The following ZNF697 variants were observed in gnomAD, a reference collection of about 807,000 sequenced individuals.
ZNF697 encodes the protein zinc finger protein 697.
ZNF697 carries 23 observed loss-of-function variants against 32.4 expected under a neutral mutation model. That is an observed-to-expected ratio of 0.71 (90% CI 0.51 to 1.01). The LOEUF is 1.01. Ranked by LOEUF, ZNF697 falls within the 50% of genes least tolerant of loss-of-function variation. The probability of loss-of-function intolerance (pLI) is 0.00; values close to 1 mark genes in which losing one functional copy is unlikely to be tolerated. For synonymous variants in ZNF697, 418 were observed against 337.2 expected, an observed-to-expected ratio of 1.24 and a Z score of -2.62; for missense variants, 930 against 794.0, an observed-to-expected ratio of 1.17 and a Z score of -2.06.
intron 1 of ZNF697, among the ~76,000 whole-genome samples, chr1:119,637,661 T>A (rs1333408090): frequency 6.6e-6 from 1 of 152,206 alleles, no homozygotes; most frequent in Admixed American, 6.5e-5. Context: ...CCTGATAATT[T>A]TTTTCCTATT....
chr1:119,630,433 C>G (rs1287847110), intron 1 of ZNF697, among the ~76,000 whole-genome samples: 1 of 152,230 alleles, frequency 6.6e-6, no homozygotes, highest in Admixed American at 6.5e-5. Flanking sequence ...TGGGATTGGG[C>G]AACTTCAACA....
chr1:119,627,452 T>C (rs777781682), intron 1 of ZNF697, among the ~76,000 whole-genome samples: 1 of 152,218 alleles, frequency 6.6e-6, no homozygotes, highest in Non-Finnish European at 1.5e-5. Context: ...TTAACCTTTC[T>C]CACAGGGAGG....
In ZNF697 at chr1:119,622,514, C is replaced by G. The variant is rs1037865120; in HGVS notation, c.*191G>C. On this transcript the variant is annotated 3_prime_UTR_variant, in exon 3 of 3. Coordinates refer to ENST00000421812, the MANE Select transcript of ZNF697 (RefSeq NM_001080470.2). ...GAACAATTCTTCCGTGGAGAGGAGG[C>G]AAGTATAGCACCGGGAAAGACCAAC... 102 of 1,073,536 alleles carry G rather than the reference C, an allele frequency of 9.5e-5. 1 individual carries two copies. The highest frequency in any genetic ancestry group is 1.2e-4 in the Non-Finnish European group (94 of 787,252). The allele number at this position is 1,073,536 out of a possible 1,614,324, so 66.5% of individuals were successfully genotyped here. A position where few individuals can be genotyped will look rare whatever the true frequency, so the allele number is the denominator to read the frequency against.
At chr1:119,647,302 C>T (rs941652381) in intron 1 of ZNF697, among the ~76,000 whole-genome samples, 1 of 152,180 alleles carries the variant, frequency 6.6e-6, no homozygotes, top group Non-Finnish European at 1.5e-5. Flanking sequence ...GCCTCGGCAT[C>T]CCCGCGAGGT....
At chr1:119,627,028 A>G (rs1203745963) in intron 1 of ZNF697, among the ~76,000 whole-genome samples, 2 of 152,238 alleles carry the variant, frequency 1.3e-5, no homozygotes, top group East Asian at 1.9e-4. Context: ...AGACGTCAGG[A>G]TAACATTTCA....
In ZNF697 at chr1:119,623,384, G is replaced by A. The variant is rs1448615572; in HGVS notation, c.959C>T (p.Pro320Leu). 4.7e-6 allele frequency: 7 copies of A among 1,492,492 alleles called. No individual in the cohort carries two copies. The highest frequency in any genetic ancestry group is 6.2e-6 in the Non-Finnish European group (7 of 1,123,370). 92.5% of individuals were successfully genotyped at this position (1,492,492 alleles called of 1,614,324 possible). A position where few individuals can be genotyped will look rare whatever the true frequency, so the allele number is the denominator to read the frequency against. Residue 320 changes from proline to leucine, a missense_variant, in exon 3 of 3, where the codon CCC becomes CTC. Transcript: ENST00000421812. ...LHTGEKPYPC[P>L]ECGEAFSLSS... is the part of the protein sequence containing the mutation. The stretch of plus-strand genomic sequence containing the variant: ...GAGGCTGAAGGCCTCGCCGCACTCG[G>A]GGCACGGGTAGGGCTTCTCGCCCGT...
chr1:119,646,322 A>AACACACACACACACACACAC (rs61339576), intron 1 of ZNF697, among the ~76,000 whole-genome samples: 26 of 136,830 alleles, frequency 1.9e-4, no homozygotes, highest in African/African-American at 5.7e-4. Flanking sequence ...CCCCACTTCC[A>AACACACACACACACACACAC]ACACACACAC....
Position 119,619,726 on chromosome 1 carries a change from T to C in ZNF697, c.*2979A>G. The C allele has an allele frequency of 6.6e-6, 1 of 152,654 alleles. No individual in the cohort carries two copies. Among genetic ancestry groups the C allele is most frequent in the Non-Finnish European group, 1.5e-5 (1 of 68,038 alleles). 9.5% of individuals were successfully genotyped at this position (152,654 alleles called of 1,614,324 possible). ...TCACATATGTACAGTCTCTTGATTG[T>C]AAAGAGACCACATGGCTCAAGGGGT... On this transcript the variant is annotated 3_prime_UTR_variant, in exon 3 of 3. Coordinates refer to ENST00000421812, the MANE Select transcript of ZNF697 (RefSeq NM_001080470.2).
At position 119,623,296 on chromosome 1, in the gene ZNF697, CGCCGCCGCCCCCGCGCCGCTG is replaced by C. The variant is rs758293932; in HGVS notation, c.1026_1046del (p.Ser343_Ala349del). Reference sequence around the variant, plus strand: ...ACTCCCCGCAGGCGAAGGGCCGCAGCGCCGCCGCCCCCGCGCCGCTGGCCGCCGCGTGCGCGCGCCGGTGGC... The same window carrying C: ...ACTCCCCGCAGGCGAAGGGCCGCAGCGCCGCCGCGTGCGCGCGCCGGTGGC... On this transcript the variant is annotated inframe_deletion, in exon 3 of 3. Transcript: ENST00000421812. 182 of 1,368,600 alleles carry C rather than the reference CGCCGCCGCCCCCGCGCCGCTG, an allele frequency of 1.3e-4. 3 individuals carry two copies. The highest frequency in any genetic ancestry group is 4.1e-4 in the Admixed American group (11 of 26,620). 84.8% of individuals were successfully genotyped at this position (1,368,600 alleles called of 1,614,324 possible).
chr1:119,634,123 G>C (rs1342840986), intron 1 of ZNF697, among the ~76,000 whole-genome samples: 1 of 152,214 alleles, frequency 6.6e-6, no homozygotes, highest in Non-Finnish European at 1.5e-5. Flanking sequence ...ATGGGGCCAG[G>C]TGACCTCAGG....
Position 119,622,789 on chromosome 1 carries a change from G to A in ZNF697, c.1554C>T (p.Asn518=), listed in dbSNP as rs61734323. 1.8e-3 allele frequency: 2,889 copies of A among 1,598,246 alleles called. 45 individuals carry two copies. In the African/African-American group the frequency reaches 0.033, roughly 18 times the overall value. Residue 518 remains asparagine, a synonymous_variant, in exon 3 of 3, where the codon AAC becomes AAT. Transcript: ENST00000421812. ...CGCAGCCCGCACACTTGTGCGGCTT[G>A]TTGCCCGTGTGGATGCGGCGGTGGC... ...LIRHRRIHTG[N]KPHKCAGCGK... is the part of the protein sequence containing the mutation.
At chr1:119,638,941 G>A (rs1648996135) in intron 1 of ZNF697, among the ~76,000 whole-genome samples, 1 of 152,198 alleles carries the variant, frequency 6.6e-6, no homozygotes, top group Non-Finnish European at 1.5e-5. Context: ...CCCCGGGACA[G>A]CTATTTCACC....
intron 1 of ZNF697, among the ~76,000 whole-genome samples, chr1:119,643,139 A>G (rs2101096835): frequency 6.6e-6 from 1 of 152,366 alleles, no homozygotes; most frequent in East Asian, 1.9e-4. Flanking sequence ...TCAGAAGACC[A>G]TGTATATCTG....
intron 1 of ZNF697, among the ~76,000 whole-genome samples, chr1:119,638,278 A>T (rs183211241): frequency 1.3e-5 from 2 of 152,344 alleles, no homozygotes; most frequent in African/African-American, 2.4e-5. Flanking sequence ...ACACTCTCAC[A>T]GTTTCCCAGT....
chr1:119,634,336 T>G (rs1279495266), intron 1 of ZNF697, among the ~76,000 whole-genome samples: 2 of 152,190 alleles, frequency 1.3e-5, no homozygotes, highest in Non-Finnish European at 1.5e-5. Flanking sequence ...CCAAAATAAC[T>G]GTTTGGTGTT....
At position 119,648,202 on chromosome 1, in the gene ZNF697, T is replaced by TTGGCTGGCTGGTTGGC. The variant is rs1553230570; in HGVS notation, c.-550_-549insGCCAACCAGCCAGCCA. Among the ~76,000 whole-genome samples the TTGGCTGGCTGGTTGGC allele has an allele frequency of 2.7e-5, 4 of 150,298 alleles. No individual in the cohort carries two copies. Among genetic ancestry groups the TTGGCTGGCTGGTTGGC allele is most frequent in the East Asian group, 2.0e-4 (1 of 5,034 alleles). ...GCTGGGTGGCCCGCTGGCTGGCTGG[T>TTGGCTGGCTGGTTGGC]TGGCTGGCTGGCTGGCTGGCTGGCT... On this transcript the variant is annotated 5_prime_UTR_variant, in exon 1 of 3. Coordinates refer to ENST00000421812, the MANE Select transcript of ZNF697 (RefSeq NM_001080470.2).
intron 1 of ZNF697, among the ~76,000 whole-genome samples, chr1:119,631,627 C>T (rs1349213719): frequency 6.6e-6 from 1 of 152,100 alleles, no homozygotes. Context: ...CCCCGCCAGC[C>T]CCCAGGGCAG....
At chr1:119,631,898 A>G (rs1648790530) in intron 1 of ZNF697, among the ~76,000 whole-genome samples, 1 of 151,946 alleles carries the variant, frequency 6.6e-6, no homozygotes, top group Admixed American at 6.5e-5. Context: ...CCTGCCCACC[A>G]CTATTTCCCA....
At position 119,622,894 on chromosome 1, in the gene ZNF697, G is replaced by C; in HGVS notation, c.1449C>G (p.His483Gln). 1 of 1,610,052 alleles carries C rather than the reference G, an allele frequency of 6.2e-7. No homozygotes were observed. The highest frequency in any genetic ancestry group is 8.5e-7 in the Non-Finnish European group (1 of 1,178,144). The change falls in exon 3 of 3, where the codon CAC becomes CAG. Residue 483 changes from histidine (H) to glutamine (Q), a missense_variant. Coordinates refer to ENST00000421812, the MANE Select transcript of ZNF697 (RefSeq NM_001080470.2). Reference protein sequence around the residue: ...RFSDFSTLTQHQRTHTGEKPY... With the variant: ...RFSDFSTLTQQQRTHTGEKPY... ...GCTTCTCGCCCGTGTGCGTGCGCTG[G>C]TGCTGCGTGAGCGTGGAGAAGTCGC...
Sources: gnomAD v4.1 joint callset for allele counts (sites outside exome capture counted in the v4.1 genomes callset) on GRCh38, gnomAD v4.1.1 for gene constraint, MANE v1.5 for transcripts, NCBI Gene and HGNC (gene_info 2026-07-23, HGNC 2026-07-21) for gene names.